UBTD1: variants seen among roughly 807,000 people sequenced by gnomAD.
The protein encoded by UBTD1 is ubiquitin domain containing 1.
UBTD1 carries 19 observed loss-of-function variants against 21.7 expected under a neutral mutation model. The observed-to-expected ratio is 0.87, with a 90% CI of 0.61 to 1.28. UBTD1 has a LOEUF of 1.28. Ranked by LOEUF, UBTD1 falls within the 50% of genes most tolerant of loss-of-function variation. UBTD1 has a pLI of 0.00. For synonymous variants in UBTD1, 116 were observed against 135.1 expected, an observed-to-expected ratio of 0.86 and a Z score of 0.98; for missense variants, 282 against 315.1, an observed-to-expected ratio of 0.89 and a Z score of 0.80.
At chr10:97,499,912 G>T (rs537416166) in intron 1 of UBTD1, among the ~76,000 whole-genome samples, 1 of 152,310 alleles carries the variant, frequency 6.6e-6, no homozygotes, top group African/African-American at 2.4e-5. Flanking sequence ...GAGATCGCTC[G>T]CTGGTGATCC....
intron 1 of UBTD1, among the ~76,000 whole-genome samples, chr10:97,534,099 C>G (rs1338151937): frequency 6.6e-6 from 1 of 152,154 alleles, no homozygotes; most frequent in Non-Finnish European, 1.5e-5. Flanking sequence ...CCGCCTTCCC[C>G]TAAGACAAAG....
At chr10:97,528,492 A>C (rs1202186271) in intron 1 of UBTD1, among the ~76,000 whole-genome samples, 2 of 61,824 alleles carry the variant, frequency 3.2e-5, no homozygotes, top group Non-Finnish European at 6.3e-5. Context: ...GGTGCCCCTC[A>C]CCTCCCGGAC....
At chr10:97,502,563 T>C (rs1053492686) in intron 1 of UBTD1, among the ~76,000 whole-genome samples, 7 of 152,186 alleles carry the variant, frequency 4.6e-5, no homozygotes, top group Non-Finnish European at 8.8e-5. Flanking sequence ...GGTCACACTT[T>C]CAATATTTCA....
intron 1 of UBTD1, among the ~76,000 whole-genome samples, chr10:97,517,746 G>A (rs1003439769): frequency 6.6e-6 from 1 of 152,144 alleles, no homozygotes; most frequent in Non-Finnish European, 1.5e-5. Flanking sequence ...CCGTGTTCCC[G>A]GTCCCTGGGG....
At chr10:97,532,595 T>A (rs2040537515) in intron 1 of UBTD1, among the ~76,000 whole-genome samples, 1 of 152,014 alleles carries the variant, frequency 6.6e-6, no homozygotes, top group Non-Finnish European at 1.5e-5. Flanking sequence ...ATCGAGACCA[T>A]CCTGGCCAAC....
intron 2 of UBTD1, among the ~76,000 whole-genome samples, chr10:97,568,412 C>A (rs1441543730): frequency 6.6e-6 from 1 of 152,082 alleles, no homozygotes; most frequent in Non-Finnish European, 1.5e-5. Context: ...AAGGCACTGA[C>A]CTTTTTATTT....
At chr10:97,559,134 G>A (rs1019304585) in intron 1 of UBTD1, among the ~76,000 whole-genome samples, 1 of 152,232 alleles carries the variant, frequency 6.6e-6, no homozygotes, top group African/African-American at 2.4e-5. Context: ...AGTGAACTTA[G>A]TGTTGGGAGA....
At chr10:97,519,159 G>A (rs2040456740) in intron 1 of UBTD1, among the ~76,000 whole-genome samples, 1 of 152,142 alleles carries the variant, frequency 6.6e-6, no homozygotes, top group Non-Finnish European at 1.5e-5. Flanking sequence ...AAATAATAAC[G>A]TGCTCAAAGG....
chr10:97,546,836 C>T (rs2040613201), intron 1 of UBTD1, among the ~76,000 whole-genome samples: 1 of 152,154 alleles, frequency 6.6e-6, no homozygotes, highest in African/African-American at 2.4e-5. Flanking sequence ...AATTCAGCTT[C>T]CACTGGTGGT....
intron 1 of UBTD1, 113 bp downstream of exon 1, chr10:97,499,386 C>T: frequency 1.5e-6 from 2 of 1,309,114 alleles, no homozygotes; most frequent in African/African-American, 1.5e-5. Flanking sequence ...TTGGGTTTCC[C>T]CGATGGGCTG....
intron 1 of UBTD1, among the ~76,000 whole-genome samples, chr10:97,546,874 G>A (rs1477237705): frequency 2.6e-5 from 4 of 152,162 alleles, no homozygotes; most frequent in East Asian, 3.9e-4. Context: ...AGAATTTACT[G>A]TGCCCCACTG....
intron 1 of UBTD1, among the ~76,000 whole-genome samples, chr10:97,532,977 A>C (rs900764413): frequency 1.3e-5 from 2 of 152,172 alleles, no homozygotes; most frequent in African/African-American, 4.8e-5. Context: ...GCCCATGGTC[A>C]GGGTCCAGGG....
At chr10:97,542,782 G>A (rs1372784037) in intron 1 of UBTD1, among the ~76,000 whole-genome samples, 1 of 152,208 alleles carries the variant, frequency 6.6e-6, no homozygotes, top group East Asian at 1.9e-4. Flanking sequence ...TGAGCCACCT[G>A]CTTCTTGCCT....
intron 1 of UBTD1, among the ~76,000 whole-genome samples, chr10:97,532,249 T>A (rs77332438): frequency 0.018 from 2,805 of 152,316 alleles, 96 homozygotes; most frequent in African/African-American, 0.064. Flanking sequence ...GGGAGATTTG[T>A]AAGTTCACTT....
chr10:97,552,393 C>CTTT (rs60160152), intron 1 of UBTD1, among the ~76,000 whole-genome samples: 1,499 of 119,758 alleles, frequency 0.013, 35 homozygotes, highest in East Asian at 0.033. Context: ...ATTATACACC[C>CTTT]TTTTTTTTTT....
At position 97,542,149 on chromosome 10, in the gene UBTD1, C is replaced by T. The variant is rs201640812; in HGVS notation, c.71-25765C>T. Among the ~76,000 whole-genome samples the T allele has an allele frequency of 2.2e-3, 329 of 152,280 alleles. 2 individuals are homozygous for T. The highest frequency in any genetic ancestry group is 3.5e-3 in the Non-Finnish European group (241 of 68,006). ...TGAAGCAGCTGTGGCTGTTCCAGGG[C>T]GGGGGTCAGGCTGAGAGTGGTGCCC... On this transcript the variant is annotated intron_variant, in intron 1 of 2. Transcript: ENST00000370664.
At chr10:97,548,320 A>C (rs1271266350) in intron 1 of UBTD1, among the ~76,000 whole-genome samples, 2 of 152,254 alleles carry the variant, frequency 1.3e-5, no homozygotes, top group East Asian at 1.9e-4. Flanking sequence ...CTCTGGCTGC[A>C]CTTGAGAGCA....
rs951929394 is a variant in UBTD1, at chr10:97,504,526, T to C, written c.70+5253T>C. 3.9e-5 allele frequency among the ~76,000 whole-genome samples: 6 copies of C among 152,168 alleles called. No individual in the cohort carries two copies. The South Asian group carries it at 8.3e-4, about 21-fold the overall frequency. ...CCTCCCAGGCCATTTCATTTAAAAT[T>C]ATCCCCTTCCCTCTATCACCTGCTC... is the stretch of plus-strand genomic sequence containing the variant. On this transcript the variant is annotated intron_variant, in intron 1 of 2. Coordinates refer to ENST00000370664, the MANE Select transcript of UBTD1 (RefSeq NM_024954.5).
intron 1 of UBTD1, among the ~76,000 whole-genome samples, chr10:97,501,763 A>G (rs1378819650): frequency 2.0e-5 from 3 of 151,978 alleles, no homozygotes; most frequent in African/African-American, 4.8e-5. Flanking sequence ...TGCTCGTGCC[A>G]TTTCCTTCTT....
Sources: allele counts gnomAD v4.1 joint callset (sites outside exome capture counted in the v4.1 genomes callset), GRCh38; gene constraint gnomAD v4.1.1; transcripts MANE v1.5; gene names NCBI Gene and HGNC (gene_info 2026-07-23, HGNC 2026-07-21).